Variants in TEX10 observed in about 807,000 individuals in gnomAD.
TEX10 encodes the protein testis expressed 10, also known as testis-expressed protein 10.
Under a neutral mutation model 104.4 loss-of-function variants are expected in TEX10, and 24 were observed. The ratio of observed to expected loss-of-function variants is 0.23; its 90% CI spans 0.17 to 0.32. TEX10 has a LOEUF of 0.32. Ranked by LOEUF, TEX10 falls within the 10% of genes least tolerant of loss-of-function variation. TEX10 has a pLI of 1.00. For synonymous variants in TEX10, 396 were observed against 393.4 expected (o/e 1.01, Z -0.08); for missense variants, 921 against 1,083.9 (o/e 0.85, Z 2.11).
chr9:100,307,740 C>T (rs1270180290), intron 13 of TEX10: 1 of 151,804 alleles, frequency 6.6e-6, no homozygotes, highest in Non-Finnish European at 1.5e-5. Flanking sequence ...ATTCTATATC[C>T]GAACCTGGGG....
chr9:100,338,851 C>CA (rs58874224), intron 5 of TEX10, among the ~76,000 whole-genome samples: 95,713 of 151,694 alleles, frequency 0.63, 32,125 homozygotes, highest in East Asian at 0.89. Context: ...AAGATTACGC[C>CA]TTGCACTCCA....
chr9:100,328,946 A>G (rs1456764394), intron 7 of TEX10, among the ~76,000 whole-genome samples, 194 bp downstream of exon 7: 1 of 152,216 alleles, frequency 6.6e-6, no homozygotes, highest in Non-Finnish European at 1.5e-5. Context: ...ATCTGTTCAG[A>G]TATGGGTATA....
intron 11 of TEX10, among the ~76,000 whole-genome samples, chr9:100,314,691 T>A (rs922705997): frequency 2.0e-5 from 3 of 152,226 alleles, no homozygotes; most frequent in African/African-American, 7.2e-5. Flanking sequence ...CCCTTTGTAT[T>A]GTTTTTTGAT....
chr9:100,339,740 T>C (rs1289085582), intron 5 of TEX10, among the ~76,000 whole-genome samples: 1 of 152,170 alleles, frequency 6.6e-6, no homozygotes, highest in Non-Finnish European at 1.5e-5. Flanking sequence ...CTGCTCTTAC[T>C]TGAGGTAGAC....
rs1460880675 is a variant in TEX10 at position 100,346,180 on chromosome 9, A to G, written c.1029T>C (p.Pro343=). The G allele has an allele frequency of 5.0e-6, 8 of 1,613,964 alleles. No homozygotes were observed. Among genetic ancestry groups the G allele is most frequent in the Non-Finnish European group, 6.8e-6 (8 of 1,179,964 alleles). Residue 343 remains proline (P), a synonymous_variant, in exon 4 of 15, where the codon CCT becomes CCC. Coordinates refer to ENST00000374902, the MANE Select transcript of TEX10 (RefSeq NM_017746.4). The part of the protein sequence containing the change: ...VEAVPPQLAT[P]VGNGIEREPL... ...GTTCTCGTTCTATACCATTCCCAAC[A>G]GGAGTAGCTAGTTGTGGAGGTACAG...
rs754438740 is a variant in TEX10 at position 100,349,306 on chromosome 9, T to C, written c.58A>G (p.Lys20Glu). 4.4e-6 allele frequency: 7 copies of C among 1,605,524 alleles called. 1 individual carries two copies. In the South Asian group the frequency reaches 6.8e-5, roughly 16 times the overall value. ...DFQKVKLKVG[K>E]KKPKLQNATP... ...GCATTTTGTAACTTGGGCTTCTTTT[T>C]ACCAACTTTCAATTTTACTTTTTGA... The change falls in exon 2 of 15, where the codon AAA (lysine) becomes GAA (glutamate). Residue 20 changes from lysine (K) to glutamate (E), a missense_variant. Coordinates refer to ENST00000374902, the MANE Select transcript of TEX10 (RefSeq NM_017746.4).
chr9:100,311,081 T>C (rs1000744242), intron 11 of TEX10, among the ~76,000 whole-genome samples: 8 of 151,992 alleles, frequency 5.3e-5, no homozygotes, highest in South Asian at 2.1e-4. Flanking sequence ...AATCATTTTT[T>C]CCCCCCAATC....
At chr9:100,352,638 G>C in intron 1 of TEX10, 134 bp downstream of exon 1, 1 of 1,446,854 alleles carries the variant, frequency 6.9e-7, no homozygotes, top group Non-Finnish European at 9.1e-7. Flanking sequence ...GGGACGCCGC[G>C]GCCCAGACCC....
intron 11 of TEX10, among the ~76,000 whole-genome samples, chr9:100,313,961 T>C (rs1834348007): frequency 6.6e-6 from 1 of 152,152 alleles, no homozygotes; most frequent in Admixed American, 6.5e-5. Flanking sequence ...TTAAGGAGAA[T>C]TCCCTCTTCC....
intron 5 of TEX10, among the ~76,000 whole-genome samples, chr9:100,330,509 A>G (rs1048700350): frequency 5.9e-5 from 9 of 152,228 alleles, no homozygotes; most frequent in Admixed American, 5.2e-4. Context: ...GCAGATGCTT[A>G]TATTTGGATG....
chr9:100,340,469 C>A (rs770504055), intron 4 of TEX10, 100 bp from the exon 5 acceptor site: 1 of 682,238 alleles, frequency 1.5e-6, no homozygotes, highest in Non-Finnish European at 2.4e-6. Context: ...AATGTCCCAT[C>A]ATAATTCACT....
At chr9:100,311,500 A>C (rs1276474204) in intron 11 of TEX10, among the ~76,000 whole-genome samples, 1 of 152,224 alleles carries the variant, frequency 6.6e-6, no homozygotes, top group African/African-American at 2.4e-5. Flanking sequence ...ATTTCTATTG[A>C]GTGCTATGAC....
chr9:100,333,820 T>C (rs1270135353), intron 5 of TEX10, among the ~76,000 whole-genome samples: 2 of 152,082 alleles, frequency 1.3e-5, no homozygotes, highest in East Asian at 1.9e-4. Context: ...CCCATGAAAA[T>C]AGTCAACTGA....
At chr9:100,329,493 G>A (rs1041697556) in intron 6 of TEX10, among the ~76,000 whole-genome samples, 3 of 151,950 alleles carry the variant, frequency 2.0e-5, no homozygotes, top group Admixed American at 6.6e-5. Flanking sequence ...ACAAACCTAG[G>A]AATGACAAAA....
At chr9:100,339,532 G>A (rs946406251) in intron 5 of TEX10, among the ~76,000 whole-genome samples, 1 of 151,602 alleles carries the variant, frequency 6.6e-6, no homozygotes, top group Non-Finnish European at 1.5e-5. Context: ...TAGCTGTATT[G>A]CTTCCAAGCA....
At chr9:100,342,451 G>A (rs1359457675) in intron 4 of TEX10, among the ~76,000 whole-genome samples, 1 of 152,154 alleles carries the variant, frequency 6.6e-6, no homozygotes, top group African/African-American at 2.4e-5. Context: ...TTTCTGTAAT[G>A]ATCAAACTGT....
At chr9:100,313,861 A>C (rs531990809) in intron 11 of TEX10, among the ~76,000 whole-genome samples, 1 of 151,750 alleles carries the variant, frequency 6.6e-6, no homozygotes, top group African/African-American at 2.4e-5. Flanking sequence ...AAAAAAAAAA[A>C]AGAGACACAC....
rs530099890 is a variant in TEX10 at position 100,323,780 on chromosome 9, T to C, written c.1980-2009A>G. On this transcript the variant is annotated intron_variant, in intron 9 of 14. Transcript: ENST00000374902. ...CAGCAAGGTATCAGAACTACAAAAA[T>C]TGAGCTAAACTTGATCTCACAGACC... Among the ~76,000 whole-genome samples, 3 of 152,244 alleles carry C rather than the reference T, an allele frequency of 2.0e-5. No homozygotes were observed. The East Asian group carries it at 5.8e-4, about 29-fold the overall frequency.
intron 8 of TEX10, 59 bp downstream of exon 8, chr9:100,327,728 C>A: frequency 7.3e-7 from 1 of 1,367,162 alleles, no homozygotes; most frequent in Non-Finnish European, 9.6e-7. Flanking sequence ...TTAAAAACTT[C>A]TTTTGTATAT....
Sources: gnomAD v4.1 joint callset for allele counts (sites outside exome capture counted in the v4.1 genomes callset) on GRCh38, gnomAD v4.1.1 for gene constraint, MANE v1.5 for transcripts, NCBI Gene and HGNC (gene_info 2026-07-23, HGNC 2026-07-21) for gene names.